Variants in ALPK2 observed in about 807,000 individuals in gnomAD.
ALPK2 encodes alpha kinase 2, also known as alpha-protein kinase 2.
Under a neutral mutation model 163.1 loss-of-function variants are expected in ALPK2, and 127 were observed. The ratio of observed to expected loss-of-function variants is 0.78; its 90% CI spans 0.67 to 0.90. ALPK2 has a LOEUF of 0.90. Ranked by LOEUF, ALPK2 falls within the 40% of genes least tolerant of loss-of-function variation. ALPK2 has a pLI of 0.00. For synonymous variants in ALPK2, 953 were observed against 959.1 expected, an observed-to-expected ratio of 0.99 and a Z score of 0.12; for missense variants, 2,360 against 2,589.6, an observed-to-expected ratio of 0.91 and a Z score of 1.92.
At chr18:58,627,556 C>T (rs369022977) in intron 1 of ALPK2, among the ~76,000 whole-genome samples, 1 of 152,020 alleles carries the variant, frequency 6.6e-6, no homozygotes, top group South Asian at 2.1e-4. Context: ...ACCCAGGGGG[C>T]GGAGGTTGCA....
At chr18:58,515,200 T>A in intron 9 of ALPK2, 119 bp from the exon 10 acceptor site, 2 of 710,876 alleles carry the variant, frequency 2.8e-6, no homozygotes, top group Non-Finnish European at 4.4e-6. Flanking sequence ...GACAAGCCCA[T>A]CCCCTGGTTG....
intron 4 of ALPK2, among the ~76,000 whole-genome samples, chr18:58,575,916 T>C (rs2051919085): frequency 1.3e-5 from 2 of 152,168 alleles, no homozygotes; most frequent in African/African-American, 4.8e-5. Flanking sequence ...AGGCAGGAGA[T>C]AGTCTACAAT....
At chr18:58,569,779 G>A (rs1189461443) in intron 4 of ALPK2, among the ~76,000 whole-genome samples, 1 of 152,194 alleles carries the variant, frequency 6.6e-6, no homozygotes, top group Non-Finnish European at 1.5e-5. Context: ...GGTCAGCTAA[G>A]GAATGGTACT....
At chr18:58,557,893 G>A (rs532544277) in intron 4 of ALPK2, among the ~76,000 whole-genome samples, 6 of 151,980 alleles carry the variant, frequency 3.9e-5, no homozygotes, top group African/African-American at 1.4e-4. Context: ...AGGCTGCAGT[G>A]AGCTATGATC....
chr18:58,515,181 C>A, intron 9 of ALPK2, 100 bp from the exon 10 acceptor site: 1 of 884,850 alleles, frequency 1.1e-6, no homozygotes. Context: ...AAGGTAAAGC[C>A]AATGAACTGA....
intron 5 of ALPK2, 87 bp downstream of exon 5, chr18:58,534,747 T>C (rs995875760): frequency 4.0e-6 from 6 of 1,493,292 alleles, no homozygotes; most frequent in African/African-American, 1.4e-5. Context: ...CTGGCCTTAA[T>C]TGCAAAGGAC....
Position 58,578,804 on chromosome 18 carries a change from A to C in ALPK2, c.1962+10T>G. 6.3e-7 allele frequency: 1 copy of C among 1,599,178 alleles called. No homozygotes were observed. The highest frequency in any genetic ancestry group is 1.4e-5 in the African/African-American group (1 of 72,580). The stretch of plus-strand genomic sequence containing the variant: ...TTTATCTCGTAATTTCTTTAAAAGA[A>C]AAGTCTTACCTGAGGAGGATCACTC... On this transcript the variant is annotated intron_variant, in intron 4 of 12. Coordinates refer to ENST00000361673, the MANE Select transcript of ALPK2 (RefSeq NM_052947.4).
At chr18:58,547,540 G>A (rs2051723945) in intron 4 of ALPK2, among the ~76,000 whole-genome samples, 1 of 152,210 alleles carries the variant, frequency 6.6e-6, no homozygotes, top group Non-Finnish European at 1.5e-5. Context: ...ATCCTGCAGA[G>A]TCCTAGAGGC....
Position 58,537,535 on chromosome 18 carries a change from T to G in ALPK2, c.2652A>C (p.Ser884=), listed in dbSNP as rs755701817. Reference sequence around the variant, plus strand: ...TACTGGTAAAAAGAGGGGACATGACTGAGTTGCCGTCCTTGCTGCTTTTGC... The same window carrying G: ...TACTGGTAAAAAGAGGGGACATGACGGAGTTGCCGTCCTTGCTGCTTTTGC... ...STCKSSKDGN[S]VMSPLFTSTF... The change falls in exon 5 of 13, where the codon TCA becomes TCC. Residue 884 remains serine (S), a synonymous_variant. Transcript: ENST00000361673. The G allele has an allele frequency of 3.7e-6, 6 of 1,613,908 alleles. No homozygotes were observed. The South Asian group carries it at 6.6e-5, about 18-fold the overall frequency.
intron 4 of ALPK2, among the ~76,000 whole-genome samples, chr18:58,571,471 C>T (rs1057126351): frequency 3.4e-5 from 5 of 147,506 alleles, no homozygotes; most frequent in African/African-American, 9.9e-5. Flanking sequence ...CTCATACTTT[C>T]TACAAAAATC....
At chr18:58,580,726 CT>C in intron 3 of ALPK2, 178 bp from the exon 4 acceptor site, 1 of 632,356 alleles carries the variant, frequency 1.6e-6, no homozygotes, top group Middle Eastern at 4.4e-4. Flanking sequence ...TCCGGTGCCC[CT>C]AGTGCTGAGA....
intron 6 of ALPK2, among the ~76,000 whole-genome samples, chr18:58,525,818 C>T (rs563859447): frequency 1.2e-4 from 19 of 152,216 alleles, no homozygotes; most frequent in African/African-American, 4.3e-4. Flanking sequence ...GTCATTACTT[C>T]GTGGTGAGCA....
Position 58,535,395 on chromosome 18 carries a change from G to A in ALPK2, c.4792C>T (p.Pro1598Ser). 2 of 1,614,180 alleles carry A rather than the reference G, an allele frequency of 1.2e-6. No homozygotes were observed. The highest frequency in any genetic ancestry group is 2.2e-5 in the East Asian group (1 of 44,890). ...RGTIENERGK[P>S]LPSSPDLTRF... is the part of the protein sequence containing the mutation. ...GTAAGATCAGGAGAAGAGGGCAAAG[G>A]TTTCCCACGCTCATTCTCAATAGTT... Residue 1598 changes from proline (P) to serine (S), a missense_variant, in exon 5 of 13, where the codon CCT (proline) becomes TCT (serine). Physicochemically the swap from Pro to Ser is moderately conservative, Grantham distance 74. Coordinates refer to ENST00000361673, the MANE Select transcript of ALPK2 (RefSeq NM_052947.4).
At chr18:58,616,910 G>A (rs529961187) in intron 1 of ALPK2, among the ~76,000 whole-genome samples, 2 of 152,128 alleles carry the variant, frequency 1.3e-5, no homozygotes, top group African/African-American at 2.4e-5. Flanking sequence ...GGGGGCTTGG[G>A]GGGTGGGTGA....
At chr18:58,492,564 G>C (rs1736703337) in intron 12 of ALPK2, among the ~76,000 whole-genome samples, 1 of 152,134 alleles carries the variant, frequency 6.6e-6, no homozygotes, top group Non-Finnish European at 1.5e-5. Context: ...CCTGCCTCGT[G>C]CTTCTGTCTC....
chr18:58,541,385 G>A (rs1395241318), intron 4 of ALPK2, among the ~76,000 whole-genome samples: 2 of 152,230 alleles, frequency 1.3e-5, no homozygotes, highest in South Asian at 2.1e-4. Flanking sequence ...AGCCATTCAT[G>A]AGGAACCACC....
intron 4 of ALPK2, among the ~76,000 whole-genome samples, chr18:58,563,518 T>A (rs1425768809): frequency 6.6e-6 from 1 of 152,154 alleles, no homozygotes; most frequent in African/African-American, 2.4e-5. Context: ...GGCATTAAGC[T>A]GAGAAAATGA....
intron 12 of ALPK2, among the ~76,000 whole-genome samples, chr18:58,490,267 T>A (rs547751639): frequency 6.6e-6 from 1 of 152,328 alleles, no homozygotes; most frequent in East Asian, 1.9e-4. Flanking sequence ...CCCTTGAGGA[T>A]GTCTACAAGG....
intron 1 of ALPK2, among the ~76,000 whole-genome samples, chr18:58,622,198 T>TTAGCC (rs944874742): frequency 1.3e-5 from 2 of 151,622 alleles, no homozygotes; most frequent in African/African-American, 4.9e-5. Context: ...AATACAAAAA[T>TTAGCC]TAGCCGGGTG....
Sources: allele counts gnomAD v4.1 joint callset (sites outside exome capture counted in the v4.1 genomes callset), GRCh38; gene constraint gnomAD v4.1.1; transcripts MANE v1.5; gene names NCBI Gene and HGNC (gene_info 2026-07-23, HGNC 2026-07-21).